The following RNF44 variants were observed in gnomAD, a reference collection of about 807,000 sequenced individuals.
RNF44 encodes ring finger protein 44.
Under a neutral mutation model 53.6 loss-of-function variants are expected in RNF44, and 25 were observed. The observed-to-expected ratio is 0.47, with a 90% CI of 0.34 to 0.65. The LOEUF (loss-of-function observed/expected upper bound fraction) is 0.65. Among genes scored for constraint, RNF44 ranks in the 30% least tolerant of loss-of-function variants. RNF44 has a pLI of 0.01. For synonymous variants in RNF44, 282 were observed against 252.2 expected (o/e 1.12, Z -1.12); for missense variants, 581 against 595.5 (o/e 0.98, Z 0.25).
rs748903968 is a variant in RNF44, at chr5:176,531,011, G to A, written c.476C>T (p.Ala159Val). 1 of 1,449,274 alleles carries A rather than the reference G, an allele frequency of 6.9e-7. No individual in the cohort carries two copies. 89.8% of individuals were successfully genotyped at this position (1,449,274 alleles called of 1,614,324 possible). Residue 159 changes from alanine to valine, a missense_variant, in exon 5 of 11, where the codon GCG becomes GTG. Physicochemically the swap from Ala to Val is moderately conservative, Grantham distance 64 (BLOSUM62 0). Coordinates refer to ENST00000274811, the MANE Select transcript of RNF44 (RefSeq NM_014901.5). The surrounding 1 kb of genome is among the most constrained non-coding windows in gnomAD (Gnocchi z 4.2). ...CACAGGCAGCTGCTGCATGGTGCAC[G>A]CCTGGATAAGCTGCCAAGAGAGGGG... ...LCCLPPPLIQ[A>V]CTMQQLPVPY...
In RNF44 at chr5:176,530,917, T is replaced by TTGGGGGGGGGGGGGGGGGGGGGGG; in HGVS notation, c.569_570insCCCCCCCCCCCCCCCCCCCCCCCA (p.Pro192_Gln193insProProProProProGlnProPro). On this transcript the variant is annotated inframe_insertion, in exon 5 of 11. Transcript: ENST00000274811. Reference sequence around the variant, plus strand: ...GCGCCATGTGGGTGGGCTGGGGGGGTGGGGCCGGTGGTGGGGGGTGCAGGA... The same window carrying TTGGGGGGGGGGGGGGGGGGGGGGG: ...GCGCCATGTGGGTGGGCTGGGGGGGTTGGGGGGGGGGGGGGGGGGGGGGGGGGGCCGGTGGTGGGGGGTGCAGGA... The TTGGGGGGGGGGGGGGGGGGGGGGG allele has an allele frequency of 4.3e-6, 1 of 232,852 alleles. No individual in the cohort carries two copies. 14.4% of individuals were successfully genotyped at this position (232,852 alleles called of 1,614,324 possible). A position where few individuals can be genotyped will look rare whatever the true frequency, so the allele number is the denominator to read the frequency against.
intron 1 of RNF44, among the ~76,000 whole-genome samples, chr5:176,535,210 A>G (rs762668494): frequency 1.1e-4 from 17 of 152,338 alleles, no homozygotes; most frequent in Non-Finnish European, 1.9e-4. Context: ...TTCATCTGTA[A>G]AATGGGAACA....
chr5:176,531,486 G>C lies in RNF44; in HGVS notation c.442C>G (p.Pro148Ala). ...ACCGGGGGCGGGAGGCAGCAGAGGG[G>C]GTAATGCTGCCCACTGAACATCACG... Reference protein sequence around the residue: ...CSVMFSGQHYPLCCLPPPLIQ... With the variant: ...CSVMFSGQHYALCCLPPPLIQ... Residue 148 changes from proline (P) to alanine (A), a missense_variant, in exon 4 of 11, where the codon CCC (proline) becomes GCC (alanine). Pro to Ala is a conservative substitution (Grantham distance 27, BLOSUM62 -1). Coordinates refer to ENST00000274811, the MANE Select transcript of RNF44 (RefSeq NM_014901.5). The surrounding 1 kb of genome is among the most constrained non-coding windows in gnomAD (Gnocchi z 4.2). The C allele has an allele frequency of 6.3e-7, 1 of 1,577,254 alleles. No homozygotes were observed. The highest frequency in any genetic ancestry group is 8.6e-7 in the Non-Finnish European group (1 of 1,162,002).
At chr5:176,534,750 G>T (rs139173057) in intron 1 of RNF44, among the ~76,000 whole-genome samples, 332 of 152,346 alleles carry the variant, frequency 2.2e-3, no homozygotes, top group Non-Finnish European at 2.9e-3. Flanking sequence ...CGCCAACTTG[G>T]TGAGTCCTCC....
Position 176,528,786 on chromosome 5 carries a change from A to C in RNF44, c.*242T>G. 3.4e-6 allele frequency: 2 copies of C among 580,450 alleles called. No individual in the cohort carries two copies. The highest frequency in any genetic ancestry group is 6.1e-6 in the Non-Finnish European group (2 of 326,714). The allele number at this position is 580,450 out of a possible 1,614,324, so 36.0% of individuals were successfully genotyped here. A position where few individuals can be genotyped will look rare whatever the true frequency, so the allele number is the denominator to read the frequency against. On this transcript the variant is annotated 3_prime_UTR_variant, in exon 11 of 11. Coordinates refer to ENST00000274811, the MANE Select transcript of RNF44 (RefSeq NM_014901.5). ...ACAGGAGGGAGACCCGATCAGGGAC[A>C]CTCAGGCAGCTCCGTGGCGGGCGGG...
In RNF44 at chr5:176,529,323, C is replaced by A; in HGVS notation, c.1201G>T (p.Glu401Ter). ...TTGTCAACACACTTGGTGTGGAACT[C>A]ATGGTTGCAGGGGAGGACTCGGAGC... ...QLLRVLPCNHEFHTKCVDKWL... is the reference protein window; with the variant it reads ...QLLRVLPCNH The change falls in exon 10 of 11, where the codon GAG becomes TAG. Residue 401 changes from glutamate (E) to a stop codon, truncating the protein, a stop_gained. Coordinates refer to ENST00000274811, the MANE Select transcript of RNF44 (RefSeq NM_014901.5). LOFTEE classifies it high-confidence loss of function. The A allele has an allele frequency of 6.2e-7, 1 of 1,613,714 alleles. No individual in the cohort carries two copies.
Position 176,529,102 on chromosome 5 carries a change from T to A in RNF44, c.1237-12A>T. On this transcript the variant is annotated splice_polypyrimidine_tract_variant and intron_variant, in intron 10 of 10. Transcript: ENST00000274811. ...CACGTCCGGTTGGCCTGTGGGAACA[T>A]GCACGTCAGGCGTTGCTCTCACCAG... 6.2e-7 allele frequency: 1 copy of A among 1,613,070 alleles called. No homozygotes were observed. Among genetic ancestry groups the A allele is most frequent in the South Asian group, 1.1e-5 (1 of 91,056 alleles).
At chr5:176,538,083 C>A (rs1470983163), upstream of RNF44, 1 of 152,190 alleles carries the variant, frequency 6.6e-6, no homozygotes, top group African/African-American at 2.4e-5. Context: ...TTAACCGCCA[C>A]GCCCCCAGCG....
At chr5:176,538,026 G>A (rs932176544), upstream of RNF44, 6 of 152,226 alleles carry the variant, frequency 3.9e-5, no homozygotes, top group Admixed American at 2.0e-4. Flanking sequence ...GCTAACGTCT[G>A]CCGGGCAAGG....
upstream of RNF44, among the ~76,000 whole-genome samples, chr5:176,541,453 C>G (rs1016311776): frequency 6.6e-6 from 1 of 152,116 alleles, no homozygotes; most frequent in Non-Finnish European, 1.5e-5. Flanking sequence ...ATGCAGATGT[C>G]CCCAGGGAAA....
chr5:176,526,796 C>T lies in RNF44; in HGVS notation c.*2232G>A, dbSNP rs1411410383. 4 of 152,402 alleles carry T rather than the reference C, an allele frequency of 2.6e-5. No homozygotes were observed. Among genetic ancestry groups the T allele is most frequent in the African/African-American group, 7.2e-5 (3 of 41,380 alleles). 9.4% of individuals were successfully genotyped at this position (152,402 alleles called of 1,614,324 possible). Reference sequence around the variant, plus strand: ...AAAAATAATGATTGCACTACTTGGTCAAGCAGAACTAGCAACTTTCATTTT... The same window carrying T: ...AAAAATAATGATTGCACTACTTGGTTAAGCAGAACTAGCAACTTTCATTTT... On this transcript the variant is annotated 3_prime_UTR_variant, in exon 11 of 11. Transcript: ENST00000274811.
upstream of RNF44, among the ~76,000 whole-genome samples, chr5:176,539,585 G>A (rs1482035346): frequency 6.6e-6 from 1 of 152,118 alleles, no homozygotes; most frequent in African/African-American, 2.4e-5. Context: ...CCACTTAGGA[G>A]GCTGAGGCAG....
At position 176,531,755 on chromosome 5, in the gene RNF44, C is replaced by G; in HGVS notation, c.298-125G>C. 2.0e-6 allele frequency: 2 copies of G among 1,018,968 alleles called. No homozygotes were observed. Among genetic ancestry groups the G allele is most frequent in the Non-Finnish European group, 2.8e-6 (2 of 711,318 alleles). 63.1% of individuals were successfully genotyped at this position (1,018,968 alleles called of 1,614,324 possible). On this transcript the variant is annotated intron_variant, in intron 3 of 10. Coordinates refer to ENST00000274811, the MANE Select transcript of RNF44 (RefSeq NM_014901.5). This position sits in a 1 kb window ranked among gnomAD's most constrained non-coding sequence, Gnocchi z 4.2. Reference sequence around the variant, plus strand: ...TTCCCTTCTCCACGGCGGCCTACCTCAGTGCAGACCAGACTGTGCCTCTAC... The same window carrying G: ...TTCCCTTCTCCACGGCGGCCTACCTGAGTGCAGACCAGACTGTGCCTCTAC...
upstream of RNF44, among the ~76,000 whole-genome samples, chr5:176,541,771 T>C (rs926654033): frequency 2.6e-5 from 4 of 152,056 alleles, no homozygotes; most frequent in African/African-American, 2.4e-5. Context: ...CCAAGGCCCC[T>C]CAAACCTCCC....
the RNF44 span, among the ~76,000 whole-genome samples, chr5:176,543,272 GC>G: frequency 6.8e-6 from 1 of 146,472 alleles, no homozygotes; most frequent in African/African-American, 2.5e-5. The surrounding 1 kb of genome is among the most constrained non-coding windows in gnomAD (Gnocchi z 4.0). Context: ...TGGGGCCGCG[GC>G]GGGGCTCCAC....
rs61169311 is a variant in RNF44 at position 176,537,013 on chromosome 5, A to AGGGGGGGGGGGG, written c.-119_-118insCCCCCCCCCCCC. The stretch of plus-strand genomic sequence containing the variant: ...GGCCAAACTGGGCAGGGGGCGGGGG[A>AGGGGGGGGGGGG]GGGGGGGGGTGCCTGTCTGGATCCT... On this transcript the variant is annotated 5_prime_UTR_variant, in exon 1 of 11. Transcript: ENST00000274811. 9.3e-4 allele frequency: 72 copies of AGGGGGGGGGGGG among 77,424 alleles called. No homozygotes were observed. The highest frequency in any genetic ancestry group is 1.1e-3 in the African/African-American group (18 of 16,162). 4.8% of individuals were successfully genotyped at this position (77,424 alleles called of 1,614,324 possible). A position where few individuals can be genotyped will look rare whatever the true frequency, so the allele number is the denominator to read the frequency against.
Position 176,529,798 on chromosome 5 carries a change from G to C in RNF44, c.947C>G (p.Pro316Arg). The C allele has an allele frequency of 6.2e-7, 1 of 1,607,978 alleles. No homozygotes were observed. The highest frequency in any genetic ancestry group is 1.1e-5 in the South Asian group (1 of 89,980). The change falls in exon 8 of 11, where the codon CCA becomes CGA. Residue 316 changes from proline (P) to arginine (R), a missense_variant. Physicochemically the swap from Pro to Arg is moderately radical, Grantham distance 103. Transcript: ENST00000274811. ...PYFLSMLPMS[P>R]TAMGPTISLD... ...GCTGATGGTGGGCCCCATTGCTGTT[G>C]GTGACATTGGCAGCATCGAGCTAGA...
At position 176,532,478 on chromosome 5, in the gene RNF44, G is replaced by A. The variant is rs1300927363; in HGVS notation, c.-6C>T. 1.9e-6 allele frequency: 3 copies of A among 1,576,772 alleles called. No individual in the cohort carries two copies. Among genetic ancestry groups the A allele is most frequent in the South Asian group, 1.1e-5 (1 of 88,342 alleles). On this transcript the variant is annotated 5_prime_UTR_variant, in exon 2 of 11. Coordinates refer to ENST00000274811, the MANE Select transcript of RNF44 (RefSeq NM_014901.5). ...GCCAGAGCCCATGGTCGCATCGGGG[G>A]GGCAGGGGGGTGGAGGGGCTGGGCC...
chr5:176,535,227 TA>T (rs1757046052), intron 1 of RNF44, among the ~76,000 whole-genome samples: 1 of 152,188 alleles, frequency 6.6e-6, no homozygotes, highest in Non-Finnish European at 1.5e-5. Flanking sequence ...AACAGCCCAA[TA>T]ACTACCTCCC....
Sources: allele counts gnomAD v4.1 joint callset (sites outside exome capture counted in the v4.1 genomes callset), GRCh38; gene constraint gnomAD v4.1.1; non-coding constraint Gnocchi (gnomAD v3.1); transcripts MANE v1.5; gene names NCBI Gene and HGNC (gene_info 2026-07-23, HGNC 2026-07-21).